The following GFM1 variants were observed in gnomAD, a reference collection of about 807,000 sequenced individuals.
The protein encoded by GFM1 is elongation factor G, mitochondrial.
A neutral mutation model predicts 96.2 loss-of-function variants in GFM1; 62 were observed. The ratio of observed to expected loss-of-function variants is 0.64; its 90% CI spans 0.53 to 0.80. The LOEUF (loss-of-function observed/expected upper bound fraction) is 0.80. Ranked by LOEUF, GFM1 falls within the 30% of genes least tolerant of loss-of-function variation. GFM1 has a pLI of 0.00. For missense variants in GFM1, 852 were observed against 916.6 expected, an observed-to-expected ratio of 0.93 and a Z score of 0.91; for synonymous variants, 282 against 312.9, an observed-to-expected ratio of 0.90 and a Z score of 1.04.
intron 13 of GFM1, chr3:158,672,551 C>T: frequency 1.3e-6 from 2 of 1,580,450 alleles, no homozygotes; most frequent in Non-Finnish European, 1.7e-6. Flanking sequence ...GCCGCCCGTC[C>T]TGCTTGCTGC....
rs558561842 is a variant in GFM1 at position 158,688,923 on chromosome 3, A to G, written c.1910-1240A>G. ...GCACTTAAGCTATACTGTCTCTAGA[A>G]GAAGCACTGAGTAAATATATAAGAA... On this transcript the variant is annotated intron_variant, in intron 15 of 17. Transcript: ENST00000486715. 2.6e-5 allele frequency among the ~76,000 whole-genome samples: 4 copies of G among 152,370 alleles called. No homozygotes were observed. In the South Asian group the frequency reaches 8.3e-4, roughly 32 times the overall value.
At chr3:158,645,833 T>G (rs764743931) in intron 2 of GFM1, 52 bp downstream of exon 2, 1 of 1,436,008 alleles carries the variant, frequency 7.0e-7, no homozygotes, top group Non-Finnish European at 9.8e-7. Flanking sequence ...TTTAATTGTT[T>G]TGTTGCTATT....
At chr3:158,673,851 G>A (rs111447238) in intron 13 of GFM1, among the ~76,000 whole-genome samples, 11 of 152,060 alleles carry the variant, frequency 7.2e-5, no homozygotes, top group African/African-American at 2.2e-4. Context: ...CTCTTGAGGT[G>A]TATCTCTTTC....
chr3:158,649,718 C>T, intron 5 of GFM1: 2 of 360,260 alleles, frequency 5.6e-6, no homozygotes, highest in Non-Finnish European at 5.0e-6. Context: ...GTGACCTTTA[C>T]CTACAAAGTA....
At position 158,646,268 on chromosome 3, in the gene GFM1, A is replaced by G; in HGVS notation, c.338A>G (p.Asp113Gly). ...GCAGCCACTTACACCATGTGGAAAG[A>G]TGTCAATATTAACATTATAGATACT... The part of the protein sequence containing the change: ...QSAATYTMWK[D>G]VNINIIDTPG... The change falls in exon 3 of 18, where the codon GAT becomes GGT. Residue 113 changes from aspartate (D) to glycine (G), a missense_variant. Coordinates refer to ENST00000486715, the MANE Select transcript of GFM1 (RefSeq NM_024996.7). 6.2e-7 allele frequency: 1 copy of G among 1,614,124 alleles called. No individual in the cohort carries two copies. The highest frequency in any genetic ancestry group is 1.7e-5 in the Admixed American group (1 of 60,028).
intron 15 of GFM1, among the ~76,000 whole-genome samples, chr3:158,686,740 T>TA (rs1263974295): frequency 6.9e-6 from 1 of 144,366 alleles, no homozygotes; most frequent in East Asian, 2.0e-4. Context: ...TTTTTTTTTT[T>TA]TTTTGAGACA....
rs1726373621 is a variant in GFM1, at chr3:158,692,155, GTC to G, written c.*690_*691del. The G allele has an allele frequency of 2.6e-5, 4 of 152,236 alleles. No individual in the cohort carries two copies. The allele number at this position is 152,236 out of a possible 1,614,324, so 9.4% of individuals were successfully genotyped here. A position where few individuals can be genotyped will look rare whatever the true frequency, so the allele number is the denominator to read the frequency against. On this transcript the variant is annotated 3_prime_UTR_variant, in exon 18 of 18. Transcript: ENST00000486715. ...CCAAATTTCTCTCTGTTTTATATAT[GTC>G]TGTTTATTTCAGTTTGTGGTTTCTG...
chr3:158,668,880 C>T, intron 13 of GFM1: 1 of 914,304 alleles, frequency 1.1e-6, no homozygotes, highest in Non-Finnish European at 1.6e-6. Context: ...TTTGAAATCC[C>T]AGGTTTGCTA....
At chr3:158,668,193 C>T (rs932447968) in intron 13 of GFM1, among the ~76,000 whole-genome samples, 8 of 152,182 alleles carry the variant, frequency 5.3e-5, no homozygotes, top group Non-Finnish European at 1.0e-4. Flanking sequence ...ATGCCCAAGT[C>T]TCTGACATAA....
intron 14 of GFM1, among the ~76,000 whole-genome samples, chr3:158,682,893 G>C (rs915184178): frequency 6.6e-6 from 1 of 151,960 alleles, no homozygotes; most frequent in Non-Finnish European, 1.5e-5. Flanking sequence ...AAATTAGCCC[G>C]GTGTAGTGGC....
rs569156446 is a variant in GFM1, at chr3:158,684,491, C to T, written c.1765-33C>T. 3.7e-6 allele frequency: 6 copies of T among 1,612,844 alleles called. No homozygotes were observed. In the South Asian group the frequency reaches 6.6e-5, roughly 18 times the overall value. On this transcript the variant is annotated intron_variant, in intron 14 of 17. Coordinates refer to ENST00000486715, the MANE Select transcript of GFM1 (RefSeq NM_024996.7). ...ATAATGTATCTGCAAGTAAAATCCA[C>T]TCACTCCAGAAGTTGTGTTCATTCA...
intron 6 of GFM1, among the ~76,000 whole-genome samples, chr3:158,652,885 C>T (rs1722408311): frequency 6.6e-6 from 1 of 152,184 alleles, no homozygotes; most frequent in Non-Finnish European, 1.5e-5. Flanking sequence ...TTCCCTGTCC[C>T]TGAAACAGGT....
At chr3:158,650,074 C>T (rs1053454967) in intron 5 of GFM1, 19 of 1,530,032 alleles carry the variant, frequency 1.2e-5, no homozygotes, top group Non-Finnish European at 1.7e-5. Flanking sequence ...GGGCGAATGG[C>T]ATTGTGATCA....
At position 158,666,298 on chromosome 3, in the gene GFM1, T is replaced by C. The variant is rs970704445; in HGVS notation, c.1519-6T>C. On this transcript the variant is annotated splice_polypyrimidine_tract_variant and splice_region_variant and intron_variant, in intron 12 of 17. Coordinates refer to ENST00000486715, the MANE Select transcript of GFM1 (RefSeq NM_024996.7). Reference sequence around the variant, plus strand: ...ATTTAAATAATATTTTCCCCACTCTTTTTAGAGGCTGGAAAGAGAGTATGG... The same window carrying C: ...ATTTAAATAATATTTTCCCCACTCTCTTTAGAGGCTGGAAAGAGAGTATGG... The C allele has an allele frequency of 6.2e-7, 1 of 1,609,276 alleles. No homozygotes were observed. Among genetic ancestry groups the C allele is most frequent in the Non-Finnish European group, 8.5e-7 (1 of 1,176,042 alleles).
intron 13 of GFM1, among the ~76,000 whole-genome samples, chr3:158,673,294 G>A (rs916227870): frequency 2.6e-5 from 4 of 152,034 alleles, no homozygotes; most frequent in African/African-American, 9.7e-5. Context: ...TTTACTTCAA[G>A]GATTAAAATA....
intron 8 of GFM1, chr3:158,656,032 A>T (rs1216888015): frequency 2.4e-6 from 1 of 417,216 alleles, no homozygotes; most frequent in Non-Finnish European, 4.8e-6. Flanking sequence ...TTTTCACATG[A>T]TTAGATTGGA....
chr3:158,674,696 T>G (rs1379407215), intron 13 of GFM1, among the ~76,000 whole-genome samples: 1 of 152,212 alleles, frequency 6.6e-6, no homozygotes, highest in Admixed American at 6.5e-5. Context: ...TGGCTTATAT[T>G]TAAGCTTTTT....
chr3:158,662,762 A>G (rs938536111), intron 11 of GFM1, 78 bp downstream of exon 11: 25 of 844,164 alleles, frequency 3.0e-5, no homozygotes, highest in Middle Eastern at 2.8e-4. Context: ...AATGCACTTG[A>G]TATCTTGTAA....
At chr3:158,665,785 G>A (rs1002107836) in intron 12 of GFM1, among the ~76,000 whole-genome samples, 1 of 152,126 alleles carries the variant, frequency 6.6e-6, no homozygotes, top group Non-Finnish European at 1.5e-5. Context: ...CAAGCCTTAG[G>A]GAGACAACCT....
Sources: gnomAD v4.1 joint callset for allele counts (sites outside exome capture counted in the v4.1 genomes callset) on GRCh38, gnomAD v4.1.1 for gene constraint, MANE v1.5 for transcripts, NCBI Gene and HGNC (gene_info 2026-07-23, HGNC 2026-07-21) for gene names.